Variants in EDAR observed in about 807,000 individuals in gnomAD.
EDAR encodes ectodysplasin A receptor.
In EDAR, 38 loss-of-function variants were observed where a neutral mutation model predicts 51.3. The observed-to-expected ratio is 0.74, with a 90% CI of 0.57 to 0.97. The LOEUF (loss-of-function observed/expected upper bound fraction) is 0.97. EDAR is among the 50% of genes least tolerant of loss of function. The pLI is 0.00. For synonymous variants in EDAR, 227 were observed against 242.1 expected, an observed-to-expected ratio of 0.94 and a Z score of 0.58; for missense variants, 528 against 595.0, an observed-to-expected ratio of 0.89 and a Z score of 1.17.
At chr2:108,912,387 C>T (rs958566313) in intron 6 of EDAR, among the ~76,000 whole-genome samples, 9 of 152,236 alleles carry the variant, frequency 5.9e-5, no homozygotes, top group Non-Finnish European at 1.3e-4. Flanking sequence ...CCTGGTCTCT[C>T]CTCCTGGCCG....
chr2:108,955,052 G>A (rs17034666), intron 1 of EDAR, among the ~76,000 whole-genome samples: 18,998 of 151,962 alleles, frequency 0.13, 3,604 homozygotes, highest in East Asian at 0.92. Flanking sequence ...TGAGGGAAGC[G>A]CTCACAACTA....
chr2:108,898,122 T>C (rs1696634374), intron 11 of EDAR, among the ~76,000 whole-genome samples: 1 of 152,158 alleles, frequency 6.6e-6, no homozygotes, highest in South Asian at 2.1e-4. Flanking sequence ...CAATAATTGC[T>C]CTATTCCAGC....
chr2:108,915,911 A>T (rs1326852126), intron 5 of EDAR, among the ~76,000 whole-genome samples: 1 of 152,126 alleles, frequency 6.6e-6, no homozygotes, highest in East Asian at 1.9e-4. Context: ...AAAAAAATAA[A>T]AAATAAATAA....
chr2:108,960,445 C>T (rs1161058245), intron 1 of EDAR, among the ~76,000 whole-genome samples: 1 of 152,192 alleles, frequency 6.6e-6, no homozygotes, highest in African/African-American at 2.4e-5. Flanking sequence ...CAGAATTTCT[C>T]AGATCAGGCA....
chr2:108,903,090 T>A (rs754425620), intron 11 of EDAR, among the ~76,000 whole-genome samples: 16 of 152,218 alleles, frequency 1.1e-4, no homozygotes, highest in Non-Finnish European at 1.6e-4. Flanking sequence ...CAATTGTATT[T>A]CTATATAACT....
chr2:108,930,936 G>A, intron 2 of EDAR, 28 bp downstream of exon 2: 1 of 1,612,988 alleles, frequency 6.2e-7, no homozygotes, highest in Non-Finnish European at 8.5e-7. Context: ...TGAGGGTGCT[G>A]TGGGGGTAAG....
Position 108,929,322 on chromosome 2 carries a change from T to C in EDAR, c.232A>G (p.Lys78Glu), listed in dbSNP as rs781022032. 1 of 1,613,912 alleles carries C rather than the reference T, an allele frequency of 6.2e-7. No individual in the cohort carries two copies. The highest frequency in any genetic ancestry group is 8.5e-7 in the Non-Finnish European group (1 of 1,180,006). The change falls in exon 4 of 12, where the codon AAG becomes GAG. Residue 78 changes from lysine (K) to glutamate (E), a missense_variant. Coordinates refer to ENST00000258443, the MANE Select transcript of EDAR (RefSeq NM_022336.4). ...DYGCVPCPAE[K>E]FSKGGYQICR... The stretch of plus-strand genomic sequence containing the variant: ...ATCTGGTAGCCTCCTTTGGAAAACT[T>C]CTCCGCCGGGCAGGGGACGCAGCCG...
At chr2:108,984,473 C>T (rs918487664) in intron 1 of EDAR, among the ~76,000 whole-genome samples, 3 of 152,112 alleles carry the variant, frequency 2.0e-5, no homozygotes, top group African/African-American at 7.2e-5. Flanking sequence ...CTCTCCTCTC[C>T]TTCTGTTCAA....
At chr2:108,965,452 G>T (rs577610795) in intron 1 of EDAR, among the ~76,000 whole-genome samples, 2 of 128,250 alleles carry the variant, frequency 1.6e-5, no homozygotes, top group African/African-American at 6.0e-5. Context: ...GAGACAGAGC[G>T]AGATTTCGTC....
chr2:108,937,675 T>G (rs1697501580), intron 1 of EDAR, among the ~76,000 whole-genome samples: 1 of 151,928 alleles, frequency 6.6e-6, no homozygotes, highest in Admixed American at 6.6e-5. Flanking sequence ...TGTGTGAGTA[T>G]AAGTGTATGT....
rs754448928 is a variant in EDAR at position 108,930,973 on chromosome 2, G to A, written c.42C>T (p.Pro14=). 28 of 1,613,812 alleles carry A rather than the reference G, an allele frequency of 1.7e-5. No homozygotes were observed. The highest frequency in any genetic ancestry group is 1.6e-4 in the Middle Eastern group (1 of 6,080). Residue 14 remains proline (P), a synonymous_variant, in exon 2 of 12, where the codon CCC becomes CCT. Transcript: ENST00000258443. ...VGDCTQTPWL[P]VLVVSLMCSA... is the part of the protein sequence containing the mutation. ...GGCTCAGACCACTTACCACCAGGACGGGGAGCCAGGGCGTCTGCGTGCAGT... is the reference window on the plus strand; with the variant it reads ...GGCTCAGACCACTTACCACCAGGACAGGGAGCCAGGGCGTCTGCGTGCAGT...
intron 5 of EDAR, among the ~76,000 whole-genome samples, chr2:108,922,175 C>A (rs1344103529): frequency 1.3e-5 from 2 of 152,250 alleles, no homozygotes; most frequent in Non-Finnish European, 2.9e-5. Flanking sequence ...GACTGCTCCT[C>A]TCCCAGGTTC....
rs1574359758 is a variant in EDAR at position 108,894,529 on chromosome 2, AGACAAAAATAATATT to A, written c.*2363_*2377del. The A allele has an allele frequency of 6.6e-6, 1 of 152,630 alleles. No individual in the cohort carries two copies. Among genetic ancestry groups the A allele is most frequent in the African/African-American group, 2.4e-5 (1 of 41,448 alleles). The allele number at this position is 152,630 out of a possible 1,614,324, so 9.5% of individuals were successfully genotyped here. On this transcript the variant is annotated 3_prime_UTR_variant, in exon 12 of 12. Coordinates refer to ENST00000258443, the MANE Select transcript of EDAR (RefSeq NM_022336.4). ...TAATAAGTTATATATATACAGAATT[AGACAAAAATAATATT>A]GACAATTAAGACTTCACTGTCTAAG...
intron 1 of EDAR, among the ~76,000 whole-genome samples, chr2:108,969,945 A>T (rs951487023): frequency 1.3e-5 from 2 of 152,256 alleles, no homozygotes; most frequent in African/African-American, 4.8e-5. Context: ...CATACAACTC[A>T]GATTTCTTTA....
intron 5 of EDAR, among the ~76,000 whole-genome samples, chr2:108,913,107 C>A (rs1324457570): frequency 6.6e-6 from 1 of 152,028 alleles, no homozygotes; most frequent in Admixed American, 6.5e-5. Context: ...CACCACCACA[C>A]CTGGCTAATT....
intron 6 of EDAR, among the ~76,000 whole-genome samples, chr2:108,912,340 T>C (rs1187511598): frequency 6.6e-6 from 1 of 152,176 alleles, no homozygotes; most frequent in African/African-American, 2.4e-5. Flanking sequence ...AGTGATAGAA[T>C]TGCTGTTAAC....
chr2:108,983,462 A>G (rs1698447677), intron 1 of EDAR, among the ~76,000 whole-genome samples: 1 of 152,180 alleles, frequency 6.6e-6, no homozygotes, highest in Admixed American at 6.5e-5. Context: ...AAAATCAGCC[A>G]ACTTAATAGA....
intron 5 of EDAR, among the ~76,000 whole-genome samples, chr2:108,917,694 G>T (rs567532203): frequency 1.3e-5 from 2 of 152,186 alleles, no homozygotes; most frequent in East Asian, 3.9e-4. Context: ...TGGCTGCAGG[G>T]CTGACCTCAT....
At chr2:108,929,519 T>C (rs1697325678) in intron 3 of EDAR, 140 bp from the exon 4 acceptor site, 2 of 900,964 alleles carry the variant, frequency 2.2e-6, no homozygotes, top group Admixed American at 4.0e-5. Context: ...TGAGTTGTCC[T>C]AACTGCAAAA....
Sources: gnomAD v4.1 joint callset for allele counts (sites outside exome capture counted in the v4.1 genomes callset) on GRCh38, gnomAD v4.1.1 for gene constraint, MANE v1.5 for transcripts, NCBI Gene and HGNC (gene_info 2026-07-23, HGNC 2026-07-21) for gene names.